VWA3B: variants seen among roughly 807,000 people sequenced by gnomAD.
VWA3B encodes von Willebrand factor A domain containing 3B.
VWA3B carries 138 observed loss-of-function variants against 158.3 expected under a neutral mutation model. That is an observed-to-expected ratio of 0.87 (90% CI 0.76 to 1.00). VWA3B has a LOEUF of 1.00. Ranked by LOEUF, VWA3B falls within the 50% of genes least tolerant of loss-of-function variation. The probability of loss-of-function intolerance (pLI) is 0.00; values close to 1 mark genes in which losing one functional copy is unlikely to be tolerated. For synonymous variants in VWA3B, 596 were observed against 587.3 expected (o/e 1.01, Z -0.21); for missense variants, 1,555 against 1,565.1 (o/e 0.99, Z 0.11).
At chr2:98,105,014 G>C (rs946350968) in intron 2 of VWA3B, among the ~76,000 whole-genome samples, 3 of 152,108 alleles carry the variant, frequency 2.0e-5, no homozygotes, top group African/African-American at 7.2e-5. Context: ...GCTTTTAAAA[G>C]TCATCTGTTT....
intron 7 of VWA3B, among the ~76,000 whole-genome samples, chr2:98,146,909 G>T (rs1452054412): frequency 6.6e-6 from 1 of 152,194 alleles, no homozygotes; most frequent in Non-Finnish European, 1.5e-5. Context: ...TGTGGAACCT[G>T]ATGTCTTCAT....
chr2:98,140,953 C>G (rs1488070076), intron 7 of VWA3B, among the ~76,000 whole-genome samples: 3 of 152,154 alleles, frequency 2.0e-5, no homozygotes, highest in African/African-American at 7.2e-5. Context: ...GGCATGTGCC[C>G]CAGGCCCCCT....
At chr2:98,295,354 A>G (rs538344526) in intron 23 of VWA3B, among the ~76,000 whole-genome samples, 1 of 152,374 alleles carries the variant, frequency 6.6e-6, no homozygotes, top group East Asian at 1.9e-4. Flanking sequence ...GCAAAGGTTC[A>G]GAACCACTCA....
intron 2 of VWA3B, among the ~76,000 whole-genome samples, chr2:98,115,015 T>C (rs552862842): frequency 6.6e-6 from 1 of 152,220 alleles, no homozygotes; most frequent in African/African-American, 2.4e-5. Context: ...TTATGACCCT[T>C]CAGTTGAGAG....
At chr2:98,228,445 G>A in intron 15 of VWA3B, 113 bp downstream of exon 15, 1 of 1,301,008 alleles carries the variant, frequency 7.7e-7, no homozygotes, top group Non-Finnish European at 1.0e-6. Context: ...TTAGTGAAAA[G>A]AATCACGTAG....
At chr2:98,259,641 T>C (rs1004713318) in intron 21 of VWA3B, among the ~76,000 whole-genome samples, 15 of 151,780 alleles carry the variant, frequency 9.9e-5, no homozygotes, top group African/African-American at 3.6e-4. Flanking sequence ...TTTTAGTCAA[T>C]CTAGCTGAAG....
chr2:98,306,914 C>T (rs1473109426), intron 26 of VWA3B, among the ~76,000 whole-genome samples: 1 of 152,144 alleles, frequency 6.6e-6, no homozygotes, highest in African/African-American at 2.4e-5. Flanking sequence ...GTTTAATGCT[C>T]ATAAGCAGAG....
chr2:98,321,286 C>T, the VWA3B span, among the ~76,000 whole-genome samples: 1 of 152,216 alleles, frequency 6.6e-6, no homozygotes, highest in Non-Finnish European at 1.5e-5. Context: ...TCTGCTAGGG[C>T]AGTGCAGAAG....
intron 8 of VWA3B, among the ~76,000 whole-genome samples, chr2:98,170,555 G>A (rs368383307): frequency 1.3e-5 from 2 of 152,022 alleles, no homozygotes; most frequent in South Asian, 2.1e-4. Context: ...TAATCAGCAA[G>A]ATGTCTTTAT....
chr2:98,236,518 C>T (rs765624193), intron 18 of VWA3B, 41 bp downstream of exon 18: 37 of 1,613,814 alleles, frequency 2.3e-5, no homozygotes, highest in Non-Finnish European at 3.0e-5. Context: ...TGTTATGCTT[C>T]TGTTGGTTAA....
intron 8 of VWA3B, among the ~76,000 whole-genome samples, chr2:98,166,005 C>G (rs2105265319): frequency 6.6e-6 from 1 of 152,078 alleles, no homozygotes; most frequent in South Asian, 2.1e-4. Context: ...AATGAAGCCC[C>G]CATCATGAGA....
intron 7 of VWA3B, among the ~76,000 whole-genome samples, chr2:98,142,197 C>T (rs989295327): frequency 1.3e-5 from 2 of 152,062 alleles, no homozygotes; most frequent in Admixed American, 6.6e-5. Flanking sequence ...GCCTTATTGC[C>T]GCTTCAGGCT....
intron 8 of VWA3B, among the ~76,000 whole-genome samples, chr2:98,172,393 C>T (rs1310228965): frequency 6.6e-6 from 1 of 152,172 alleles, no homozygotes; most frequent in African/African-American, 2.4e-5. Context: ...GTGCGTTCCT[C>T]CCGACATCCA....
Position 98,226,786 on chromosome 2 carries a change from A to G in VWA3B, c.2020-1416A>G, listed in dbSNP as rs561270051. On this transcript the variant is annotated intron_variant, in intron 14 of 27. Transcript: ENST00000477737. Reference sequence around the variant, plus strand: ...TGTATGCACAGACATTTCACTGAAGAGAATCTACAGATGGCAAAGAAGCAC... The same window carrying G: ...TGTATGCACAGACATTTCACTGAAGGGAATCTACAGATGGCAAAGAAGCAC... 1.1e-4 allele frequency among the ~76,000 whole-genome samples: 17 copies of G among 152,098 alleles called. No homozygotes were observed. The South Asian group carries it at 3.5e-3, about 32-fold the overall frequency.
chr2:98,214,105 C>A (rs898564378), intron 13 of VWA3B, among the ~76,000 whole-genome samples: 92 of 151,626 alleles, frequency 6.1e-4, no homozygotes, highest in Admixed American at 6.6e-4. Context: ...GTAGGGGGAT[C>A]ATTTGAAACC....
At chr2:98,298,567 G>A (rs1361663948) in intron 24 of VWA3B, among the ~76,000 whole-genome samples, 1 of 152,124 alleles carries the variant, frequency 6.6e-6, no homozygotes, top group South Asian at 2.1e-4. Flanking sequence ...GATGTCAGAC[G>A]GTGATACCGT....
Position 98,286,831 on chromosome 2 carries a change from A to G in VWA3B, c.3046-3680A>G, listed in dbSNP as rs182881634. Among the ~76,000 whole-genome samples the G allele has an allele frequency of 2.6e-5, 4 of 152,102 alleles. No individual in the cohort carries two copies. The East Asian group carries it at 5.8e-4, about 22-fold the overall frequency. ...TCTTCCTAGTAATTTCTAGTTCCCT[A>G]TGGCTTCTCTTTTCAGTTCTCCAGC... is the stretch of plus-strand genomic sequence containing the variant. On this transcript the variant is annotated intron_variant, in intron 22 of 27. Coordinates refer to ENST00000477737, the MANE Select transcript of VWA3B (RefSeq NM_144992.5).
chr2:98,246,927 T>A, intron 19 of VWA3B, among the ~76,000 whole-genome samples: 1 of 152,162 alleles, frequency 6.6e-6, no homozygotes. Context: ...TGCTTTCTGT[T>A]AAATGTCATT....
chr2:98,280,703 C>A (rs1246394278), intron 22 of VWA3B, among the ~76,000 whole-genome samples: 1 of 152,206 alleles, frequency 6.6e-6, no homozygotes, highest in Non-Finnish European at 1.5e-5. Context: ...TGTGTTTTCA[C>A]GAGTTATGCT....
Sources: gnomAD v4.1 joint callset for allele counts (sites outside exome capture counted in the v4.1 genomes callset) on GRCh38, gnomAD v4.1.1 for gene constraint, MANE v1.5 for transcripts, NCBI Gene and HGNC (gene_info 2026-07-23, HGNC 2026-07-21) for gene names.